ADPRHL1: variants seen among roughly 807,000 people sequenced by gnomAD.
ADPRHL1 encodes the protein ADP-ribosylhydrolase like 1.
ADPRHL1 carries 43 observed loss-of-function variants against 44.1 expected under a neutral mutation model. That is an observed-to-expected ratio of 0.98 (90% confidence interval 0.76 to 1.26). The LOEUF (loss-of-function observed/expected upper bound fraction) is 1.26. Among genes scored for constraint, ADPRHL1 ranks in the 50% most tolerant of loss-of-function variants. The pLI is 0.00. For synonymous variants in ADPRHL1, 878 were observed against 1,017.4 expected, an observed-to-expected ratio of 0.86 and a Z score of 2.61; for missense variants, 2,022 against 2,496.9, an observed-to-expected ratio of 0.81 and a Z score of 4.05.
At chr13:113,424,598 G>C (rs1329822437) in intron 5 of ADPRHL1, among the ~76,000 whole-genome samples, 1 of 148,520 alleles carries the variant, frequency 6.7e-6, no homozygotes, top group Non-Finnish European at 1.5e-5. Context: ...GGGATTACAG[G>C]CGTACACCAG....
chr13:113,433,076 GCCGTGTTAAGGGGGCGACATGAT>G lies in ADPRHL1; in HGVS notation c.505+643_505+665del, dbSNP rs151083110. Among the ~76,000 whole-genome samples, 1,366 of 152,312 alleles carry G rather than the reference GCCGTGTTAAGGGGGCGACATGAT, an allele frequency of 9.0e-3. 15 individuals carry two copies. Among genetic ancestry groups the G allele is most frequent in the African/African-American group, 0.031 (1,268 of 41,564 alleles). ...TGGCACAGACCACAAGGACGGAAGT[GCCGTGTTAAGGGGGCGACATGAT>G]CCAACCCGCTTCACCCTCACACAGC... On this transcript the variant is annotated intron_variant, in intron 3 of 7. Coordinates refer to ENST00000612156, the MANE Select transcript of ADPRHL1 (RefSeq NM_001394807.1).
At chr13:113,446,165 C>T (rs2044136270) in intron 1 of ADPRHL1, among the ~76,000 whole-genome samples, 2 of 131,566 alleles carry the variant, frequency 1.5e-5, no homozygotes, top group East Asian at 2.8e-4. Context: ...GCAGGGCCCG[C>T]AGCTGCAAAC....
At chr13:113,447,316 G>A (rs1379105990) in intron 1 of ADPRHL1, among the ~76,000 whole-genome samples, 13 of 134,806 alleles carry the variant, frequency 9.6e-5, no homozygotes, top group African/African-American at 2.5e-4. Flanking sequence ...GCGTCTACAC[G>A]CACGGTGTTG....
chr13:113,434,249 C>T (rs1044932087), intron 2 of ADPRHL1, among the ~76,000 whole-genome samples: 2 of 152,056 alleles, frequency 1.3e-5, no homozygotes, highest in African/African-American at 4.8e-5. Context: ...ACTGGTGTAC[C>T]GCGGGACCCA....
At chr13:113,423,954 T>A (rs2043944705) in intron 6 of ADPRHL1, among the ~76,000 whole-genome samples, 1 of 152,158 alleles carries the variant, frequency 6.6e-6, no homozygotes, top group African/African-American at 2.4e-5. Flanking sequence ...GGTGAGAGAC[T>A]CTTGGTCTGC....
At chr13:113,446,773 T>C (rs895542016) in intron 1 of ADPRHL1, among the ~76,000 whole-genome samples, 1 of 151,970 alleles carries the variant, frequency 6.6e-6, no homozygotes, top group Non-Finnish European at 1.5e-5. Flanking sequence ...CGTGTTGTCA[T>C]ACAGGCATGG....
chr13:113,420,481 A>C (rs1305523068), intron 7 of ADPRHL1, among the ~76,000 whole-genome samples: 1 of 152,114 alleles, frequency 6.6e-6, no homozygotes, highest in Admixed American at 6.5e-5. Context: ...GTAAGCGGGC[A>C]AAACAGGTAC....
chr13:113,412,411 C>T (rs1215904622), intron 7 of ADPRHL1, among the ~76,000 whole-genome samples: 1 of 152,344 alleles, frequency 6.6e-6, no homozygotes, highest in African/African-American at 2.4e-5. Flanking sequence ...ATCTCCTGAC[C>T]TCGTGATCCG....
intron 7 of ADPRHL1, among the ~76,000 whole-genome samples, chr13:113,418,581 C>T (rs2043898385): frequency 6.6e-6 from 1 of 152,226 alleles, no homozygotes; most frequent in Non-Finnish European, 1.5e-5. Flanking sequence ...GTGTGTGTTA[C>T]TGACATGCTC....
At position 113,407,239 on chromosome 13, in the gene ADPRHL1, T is replaced by C; in HGVS notation, c.2043A>G (p.Arg681=). 1 of 1,232,170 alleles carries C rather than the reference T, an allele frequency of 8.1e-7. No homozygotes were observed. Among genetic ancestry groups the C allele is most frequent in the African/African-American group, 1.5e-5 (1 of 64,530 alleles). The allele number at this position is 1,232,170 out of a possible 1,614,324, so 76.3% of individuals were successfully genotyped here. Residue 681 remains arginine (R), a synonymous_variant, in exon 8 of 8, where the codon AGA becomes AGG. Coordinates refer to ENST00000612156, the MANE Select transcript of ADPRHL1 (RefSeq NM_001394807.1). ...TCACGGGCTTCGAGGGCCTTGGCTGTCTTTGGGGCTCCTCCTCCAGGGGCC... is the reference window on the plus strand; with the variant it reads ...TCACGGGCTTCGAGGGCCTTGGCTGCCTTTGGGGCTCCTCCTCCAGGGGCC... ...GKGPLEEEPQ[R]QPRPSKPVTP... is the part of the protein sequence containing the mutation.
At chr13:113,443,200 T>C (rs1298713994) in intron 2 of ADPRHL1, among the ~76,000 whole-genome samples, 1 of 152,238 alleles carries the variant, frequency 6.6e-6, no homozygotes, top group African/African-American at 2.4e-5. Flanking sequence ...TTTGCATGCC[T>C]CATATGCTGT....
intron 1 of ADPRHL1, among the ~76,000 whole-genome samples, chr13:113,450,230 A>AAC (rs948165586): frequency 1.3e-5 from 2 of 152,176 alleles, no homozygotes; most frequent in African/African-American, 4.8e-5. Flanking sequence ...CACCATTGTT[A>AAC]ACACAGCTTA....
intron 7 of ADPRHL1, among the ~76,000 whole-genome samples, chr13:113,419,732 A>G (rs1177179944): frequency 6.6e-6 from 1 of 152,212 alleles, no homozygotes; most frequent in African/African-American, 2.4e-5. Flanking sequence ...CAGCAGTTAA[A>G]AAGGCGCAGA....
In ADPRHL1 at chr13:113,406,694, A is replaced by T; in HGVS notation, c.2588T>A (p.Met863Lys). Residue 863 changes from methionine (M) to lysine (K), a missense_variant, in exon 8 of 8, where the codon ATG (methionine) becomes AAG (lysine). Around this residue, in one of 8 missense-constraint regions of ADPRHL1, gnomAD observed 1,221 missense variants for 1,517.8 expected, o/e 0.80. Transcript: ENST00000612156. Reference sequence around the variant, plus strand: ...ACAAGGTTTGTTTTCACCACTTGACATATTTTGCAGCCTGGTGGGAGGGGC... The same window carrying T: ...ACAAGGTTTGTTTTCACCACTTGACTTATTTTGCAGCCTGGTGGGAGGGGC... The part of the protein sequence containing the change: ...MPAPPTRLQN[M>K]SSGENKPCIC... 1 of 1,231,864 alleles carries T rather than the reference A, an allele frequency of 8.1e-7. No homozygotes were observed. Among genetic ancestry groups the T allele is most frequent in the Non-Finnish European group, 1.0e-6 (1 of 987,942 alleles). The allele number at this position is 1,231,864 out of a possible 1,614,324, so 76.3% of individuals were successfully genotyped here. A position where few individuals can be genotyped will look rare whatever the true frequency, so the allele number is the denominator to read the frequency against.
At position 113,410,003 on chromosome 13, in the gene ADPRHL1, T is replaced by A. The variant is rs1257551109; in HGVS notation, c.1062-1783A>T. 4 of 985,058 alleles carry A rather than the reference T, an allele frequency of 4.1e-6. No homozygotes were observed. The Admixed American group carries it at 2.5e-4, about 61-fold the overall frequency. 61.0% of individuals were successfully genotyped at this position (985,058 alleles called of 1,614,324 possible). ...TCTGCATTTTTCCAAAAGAGAGAGC[T>A]CTGTTTTGAAGCCATGGATGGATTT... On this transcript the variant is annotated intron_variant, in intron 7 of 7. Coordinates refer to ENST00000612156, the MANE Select transcript of ADPRHL1 (RefSeq NM_001394807.1).
chr13:113,408,198 T>C lies in ADPRHL1; in HGVS notation c.1084A>G (p.Ser362Gly), dbSNP rs749515236. ...EENRKSSKTC[S>G]DVMSVDAQTL... ...TGGGCGTCCACAGACATGACGTCAC[T>C]GCAGGTCTTGCTGCTCTTCCGGCTG... The change falls in exon 8 of 8, where the codon AGT becomes GGT. Residue 362 changes from serine (S) to glycine (G), a missense_variant. Ser to Gly is a moderately conservative substitution (Grantham distance 56). This residue lies in a region of ADPRHL1 where 1,221 missense variants were observed against 1,517.8 expected (regional missense o/e 0.80). Transcript: ENST00000612156. 95 of 1,231,922 alleles carry C rather than the reference T, an allele frequency of 7.7e-5. No individual in the cohort carries two copies. The highest frequency in any genetic ancestry group is 9.3e-5 in the African/African-American group (6 of 64,442). The allele number at this position is 1,231,922 out of a possible 1,614,324, so 76.3% of individuals were successfully genotyped here. A position where few individuals can be genotyped will look rare whatever the true frequency, so the allele number is the denominator to read the frequency against.
Position 113,405,112 on chromosome 13 carries a change from G to A in ADPRHL1, c.4170C>T (p.Pro1390=). 8.1e-7 allele frequency: 1 copy of A among 1,232,256 alleles called. No homozygotes were observed. Among genetic ancestry groups the A allele is most frequent in the African/African-American group, 1.5e-5 (1 of 64,562 alleles). The allele number at this position is 1,232,256 out of a possible 1,614,324, so 76.3% of individuals were successfully genotyped here. The change falls in exon 8 of 8, where the codon CCC becomes CCT. Residue 1390 remains proline, a synonymous_variant. Coordinates refer to ENST00000612156, the MANE Select transcript of ADPRHL1 (RefSeq NM_001394807.1). ...QQSHQAQEET[P]QPGDAGKRVA... is the part of the protein sequence containing the mutation. Reference sequence around the variant, plus strand: ...CCCTCTTCCCCGCATCCCCGGGCTGGGGGGTCTCCTCCTGTGCCTGGTGAC... The same window carrying A: ...CCCTCTTCCCCGCATCCCCGGGCTGAGGGGTCTCCTCCTGTGCCTGGTGAC...
In ADPRHL1 at chr13:113,450,961, C is replaced by G. The variant is rs997672221; in HGVS notation, c.214+2263G>C. Among the ~76,000 whole-genome samples, 49 of 150,882 alleles carry G rather than the reference C, an allele frequency of 3.2e-4. 1 individual carries two copies. Among genetic ancestry groups the G allele is most frequent in the Middle Eastern group, 3.5e-3 (1 of 284 alleles). The stretch of plus-strand genomic sequence containing the variant: ...CCCTGGGGAAAGGGAGACCCCCCCC[C>G]CCTTCCTGGTCTGCTAAGTAGCAGG... On this transcript the variant is annotated intron_variant, in intron 1 of 7. Coordinates refer to ENST00000612156, the MANE Select transcript of ADPRHL1 (RefSeq NM_001394807.1).
chr13:113,410,986 G>A (rs1319543686), intron 7 of ADPRHL1, among the ~76,000 whole-genome samples: 1 of 152,208 alleles, frequency 6.6e-6, no homozygotes, highest in Admixed American at 6.5e-5. Context: ...CCCGCTCTGG[G>A]CATTTCAGTT....
Sources: allele counts gnomAD v4.1 joint callset (sites outside exome capture counted in the v4.1 genomes callset), GRCh38; gene constraint gnomAD v4.1.1; regional missense constraint gnomAD v4.1.1; transcripts MANE v1.5; gene names NCBI Gene and HGNC (gene_info 2026-07-23, HGNC 2026-07-21).